Variants in CFAP61 observed in about 807,000 individuals in gnomAD.
CFAP61 encodes the protein cilia- and flagella-associated protein 61.
A neutral mutation model predicts 135.6 loss-of-function variants in CFAP61; 107 were observed. The observed-to-expected ratio is 0.79, with a 90% CI of 0.67 to 0.93. The LOEUF (loss-of-function observed/expected upper bound fraction) is 0.93, where lower values mean the gene tolerates loss of function less well. Among genes scored for constraint, CFAP61 ranks in the 40% least tolerant of loss-of-function variants. The probability of loss-of-function intolerance (pLI) is 0.00; values close to 1 mark genes in which losing one functional copy is unlikely to be tolerated. For synonymous variants in CFAP61, 575 were observed against 578.5 expected, an observed-to-expected ratio of 0.99 and a Z score of 0.09; for missense variants, 1,507 against 1,556.2, an observed-to-expected ratio of 0.97 and a Z score of 0.53.
In CFAP61 at chr20:20,359,802, C is replaced by G. The variant is rs78480331; in HGVS notation, c.3514-408C>G. Among the ~76,000 whole-genome samples, 3 of 151,932 alleles carry G rather than the reference C, an allele frequency of 2.0e-5. No homozygotes were observed. The highest frequency in any genetic ancestry group is 7.3e-5 in the African/African-American group (3 of 41,350). Reference sequence around the variant, plus strand: ...TATGCTAAGTGATATAAGCCAGTCACAAAAAAAAGTACTACAGGGTTCCAC... The same window carrying G: ...TATGCTAAGTGATATAAGCCAGTCAGAAAAAAAAGTACTACAGGGTTCCAC... On this transcript the variant is annotated intron_variant, in intron 26 of 26. Transcript: ENST00000245957. This position sits in a 1 kb window ranked among gnomAD's most constrained non-coding sequence, Gnocchi z 4.0.
At chr20:20,347,867 A>C (rs1311880490) in intron 26 of CFAP61, among the ~76,000 whole-genome samples, 1 of 141,250 alleles carries the variant, frequency 7.1e-6, no homozygotes, top group Non-Finnish European at 1.5e-5. Context: ...TGGGAGGCAG[A>C]GGTTTCAGTG....
chr20:20,177,078 T>A (rs2054687782), intron 13 of CFAP61, among the ~76,000 whole-genome samples: 1 of 152,156 alleles, frequency 6.6e-6, no homozygotes, highest in Admixed American at 6.5e-5. Flanking sequence ...TGCTGAGTTA[T>A]TCATTTCTTC....
chr20:20,291,859 G>A (rs545534049), intron 24 of CFAP61, among the ~76,000 whole-genome samples: 13 of 152,280 alleles, frequency 8.5e-5, no homozygotes, highest in African/African-American at 2.6e-4. Context: ...GATATGTCAC[G>A]TTTGATTTTT....
chr20:20,203,638 A>G (rs987008603), intron 17 of CFAP61, among the ~76,000 whole-genome samples: 3 of 152,206 alleles, frequency 2.0e-5, no homozygotes, highest in Admixed American at 2.0e-4. Context: ...TGATCAGGAA[A>G]ACACTCAAAA....
At chr20:20,119,122 T>C (rs1363464038) in intron 8 of CFAP61, among the ~76,000 whole-genome samples, 1 of 152,164 alleles carries the variant, frequency 6.6e-6, no homozygotes, top group African/African-American at 2.4e-5. Context: ...ATTACAGTAA[T>C]GCTGTCCTCA....
intron 18 of CFAP61, among the ~76,000 whole-genome samples, chr20:20,230,750 T>G (rs1457874534): frequency 6.6e-6 from 1 of 152,162 alleles, no homozygotes; most frequent in Non-Finnish European, 1.5e-5. Context: ...GAGATTGGGT[T>G]TCACCATGTT....
At chr20:20,164,483 A>G (rs1379284592) in intron 11 of CFAP61, among the ~76,000 whole-genome samples, 1 of 152,220 alleles carries the variant, frequency 6.6e-6, no homozygotes, top group Admixed American at 6.5e-5. Context: ...ATTATCACTT[A>G]CATAACCACA....
At chr20:20,241,751 TGGG>T (rs1198978342) in intron 18 of CFAP61, among the ~76,000 whole-genome samples, 1 of 152,128 alleles carries the variant, frequency 6.6e-6, no homozygotes, top group South Asian at 2.1e-4. Context: ...CACCCAAAGC[TGGG>T]GTAAATTTTA....
chr20:20,322,048 G>A (rs1250374511), intron 25 of CFAP61, among the ~76,000 whole-genome samples: 3 of 152,130 alleles, frequency 2.0e-5, no homozygotes, highest in African/African-American at 7.2e-5. Context: ...AAGCCACATG[G>A]ACAGGCCATA....
At chr20:20,338,306 C>T (rs762358976) in intron 25 of CFAP61, among the ~76,000 whole-genome samples, 11 of 152,206 alleles carry the variant, frequency 7.2e-5, no homozygotes, top group Non-Finnish European at 1.3e-4. Flanking sequence ...GCCTCCCTGG[C>T]GGCAGCTGCC....
intron 6 of CFAP61, among the ~76,000 whole-genome samples, chr20:20,085,694 T>A (rs985078933): frequency 6.6e-6 from 1 of 152,242 alleles, no homozygotes; most frequent in Non-Finnish European, 1.5e-5. Context: ...CAGTTGATTG[T>A]GTGTGATTGC....
chr20:20,354,134 T>C (rs2058953864), intron 26 of CFAP61, among the ~76,000 whole-genome samples: 1 of 152,168 alleles, frequency 6.6e-6, no homozygotes, highest in Admixed American at 6.5e-5. Flanking sequence ...GGAATACTAT[T>C]CAGCCTTGAA....
At chr20:20,154,915 A>G (rs1215421030) in intron 9 of CFAP61, among the ~76,000 whole-genome samples, 1 of 152,152 alleles carries the variant, frequency 6.6e-6, no homozygotes, top group Non-Finnish European at 1.5e-5. Context: ...ACAGAACTAG[A>G]AAAAACAATC....
chr20:20,097,919 G>A (rs1200696122), intron 7 of CFAP61, among the ~76,000 whole-genome samples: 1 of 152,200 alleles, frequency 6.6e-6, no homozygotes, highest in Admixed American at 6.5e-5. Context: ...ACTGGGGGCT[G>A]ATCAGATGGG....
chr20:20,360,123 CTGT>C (rs1404756147), intron 26 of CFAP61, 84 bp from the exon 27 acceptor site: 2 of 992,748 alleles, frequency 2.0e-6, no homozygotes, highest in African/African-American at 3.2e-5. Flanking sequence ...GAGCTGACTA[CTGT>C]TGTTTTCATT....
At chr20:20,238,714 T>C (rs536317698) in intron 18 of CFAP61, among the ~76,000 whole-genome samples, 160 of 152,322 alleles carry the variant, frequency 1.1e-3, no homozygotes, top group African/African-American at 3.7e-3. Context: ...TGTGACCCTC[T>C]TTATTTGAAG....
rs985324453 is a variant in CFAP61 at position 20,109,257 on chromosome 20, C to T, written c.859+10443C>T. Among the ~76,000 whole-genome samples the T allele has an allele frequency of 3.3e-5, 5 of 152,104 alleles. No homozygotes were observed. The East Asian group carries it at 9.6e-4, about 29-fold the overall frequency. The stretch of plus-strand genomic sequence containing the variant: ...TTTAGGTAAAAATTAAAATTATTTT[C>T]ACTTATCCCAGTCTGTGCAGAAGTC... On this transcript the variant is annotated intron_variant, in intron 8 of 26. Transcript: ENST00000245957.
chr20:20,337,332 G>A lies in CFAP61; in HGVS notation c.3423-4499G>A, dbSNP rs200362755. The stretch of plus-strand genomic sequence containing the variant: ...TGGATGGATGGATGGATGGATGGAT[G>A]GATGGATAGATGGGTGGGTGGGTGG... On this transcript the variant is annotated intron_variant, in intron 25 of 26. Coordinates refer to ENST00000245957, the MANE Select transcript of CFAP61 (RefSeq NM_015585.4). 8.8e-4 allele frequency among the ~76,000 whole-genome samples: 13 copies of A among 14,728 alleles called. 1 individual carries two copies. Among genetic ancestry groups the A allele is most frequent in the Non-Finnish European group, 1.8e-3 (7 of 3,838 alleles). 9.7% of individuals were successfully genotyped at this position (14,728 alleles called of 152,430 possible). A position where few individuals can be genotyped will look rare whatever the true frequency, so the allele number is the denominator to read the frequency against.
chr20:20,178,483 C>T (rs1301095987), intron 13 of CFAP61, among the ~76,000 whole-genome samples: 1 of 152,130 alleles, frequency 6.6e-6, no homozygotes, highest in African/African-American at 2.4e-5. Flanking sequence ...ATCTTGCCAC[C>T]CTTTCACATG....
Sources: allele counts gnomAD v4.1 joint callset (sites outside exome capture counted in the v4.1 genomes callset), GRCh38; gene constraint gnomAD v4.1.1; non-coding constraint Gnocchi (gnomAD v3.1); transcripts MANE v1.5; gene names NCBI Gene and HGNC (gene_info 2026-07-23, HGNC 2026-07-21).